Variants in ECT2 observed in about 807,000 individuals in gnomAD.
ECT2 encodes the protein epithelial cell transforming 2.
In ECT2, 61 loss-of-function variants were observed where a neutral mutation model predicts 116.9. The ratio of observed to expected loss-of-function variants is 0.52; its 90% CI spans 0.42 to 0.65. The LOEUF is 0.65. ECT2 is among the 30% of genes least tolerant of loss of function. The pLI is 0.00. For missense variants in ECT2, 937 were observed against 1,078.7 expected (o/e 0.87, Z 1.84); for synonymous variants, 358 against 346.4 (o/e 1.03, Z -0.37).
intron 7 of ECT2, among the ~76,000 whole-genome samples, chr3:172,760,753 C>G (rs1338563392): frequency 1.7e-5 from 2 of 118,000 alleles, no homozygotes; most frequent in African/African-American, 3.3e-5. Flanking sequence ...CTGAGTCTCT[C>G]TCTGTCACCC....
At chr3:172,770,860 A>G (rs1025271027) in intron 13 of ECT2, among the ~76,000 whole-genome samples, 3 of 152,252 alleles carry the variant, frequency 2.0e-5, no homozygotes, top group Non-Finnish European at 4.4e-5. Context: ...AGAAGAGGAG[A>G]TAAAACATAC....
At chr3:172,762,060 A>G (rs1325338366) in intron 8 of ECT2, among the ~76,000 whole-genome samples, 9 of 152,088 alleles carry the variant, frequency 5.9e-5, no homozygotes, top group African/African-American at 2.2e-4. Context: ...TTCCAAGCGC[A>G]TGATTTCTTG....
intron 12 of ECT2, 77 bp downstream of exon 12, chr3:172,764,577 A>C (rs980976445): frequency 2.3e-6 from 3 of 1,288,496 alleles, no homozygotes; most frequent in Non-Finnish European, 3.3e-6. Context: ...TAAATCCCTG[A>C]TATAGTGAAT....
chr3:172,809,734 GTAAAA>G (rs1728431579), intron 22 of ECT2, among the ~76,000 whole-genome samples: 2 of 152,036 alleles, frequency 1.3e-5, no homozygotes, highest in African/African-American at 2.4e-5. Context: ...AATTAAAAGA[GTAAAA>G]TAAGCACAAC....
chr3:172,803,391 T>C (rs1389985018), intron 20 of ECT2, among the ~76,000 whole-genome samples: 1 of 152,208 alleles, frequency 6.6e-6, no homozygotes, highest in Admixed American at 6.5e-5. Context: ...TAATTTACTA[T>C]TATAAATTCT....
At position 172,761,636 on chromosome 3, in the gene ECT2, T is replaced by G. The variant is rs955446846; in HGVS notation, c.711T>G (p.Ile237Met). ...TTGCTGTGAGTCTAGGTACTCCAAT[T>G]ATGAAGCCAGAATGGATTTATAAAG... is the stretch of plus-strand genomic sequence containing the variant. ...FRVAVSLGTP[I>M]MKPEWIYKAW... Residue 237 changes from isoleucine (I) to methionine (M), a missense_variant, in exon 8 of 25, where the codon ATT becomes ATG. Physicochemically the swap from Ile to Met is conservative, Grantham distance 10. Transcript: ENST00000392692. The G allele has an allele frequency of 6.2e-7, 1 of 1,611,480 alleles. No individual in the cohort carries two copies. Among genetic ancestry groups the G allele is most frequent in the African/African-American group, 1.3e-5 (1 of 74,848 alleles).
intron 1 of ECT2, among the ~76,000 whole-genome samples, chr3:172,751,403 C>T (rs73880257): frequency 0.061 from 9,324 of 152,246 alleles, 965 homozygotes; most frequent in African/African-American, 0.21. Context: ...CTCTTTTACC[C>T]CTTACTAACA....
At chr3:172,766,257 A>C (rs1189035771) in intron 12 of ECT2, among the ~76,000 whole-genome samples, 1 of 152,228 alleles carries the variant, frequency 6.6e-6, no homozygotes, top group Non-Finnish European at 1.5e-5. Flanking sequence ...TTTTTAGAGA[A>C]TAATGGATAG....
At chr3:172,822,903 A>AT (rs1490618833), downstream of ECT2, among the ~76,000 whole-genome samples, 3 of 152,066 alleles carry the variant, frequency 2.0e-5, no homozygotes, top group African/African-American at 7.2e-5. Context: ...ACAACCTATA[A>AT]TAGGATATCT....
rs1730552984 is a variant in ECT2, at chr3:172,820,490, A to G, written c.*253A>G. The G allele has an allele frequency of 3.6e-6, 1 of 274,958 alleles. No individual in the cohort carries two copies. Among genetic ancestry groups the G allele is most frequent in the Non-Finnish European group, 6.8e-6 (1 of 147,170 alleles). 17.0% of individuals were successfully genotyped at this position (274,958 alleles called of 1,614,324 possible). On this transcript the variant is annotated 3_prime_UTR_variant, in exon 25 of 25. Coordinates refer to ENST00000392692, the MANE Select transcript of ECT2 (RefSeq NM_001258315.2). ...TGTTTGAATCTGTCATTCAAAGGCC[A>G]ATAATTTAAGTTGCTATCAGCTGAT...
chr3:172,772,481 C>T (rs1186348999), intron 13 of ECT2, among the ~76,000 whole-genome samples: 1 of 152,222 alleles, frequency 6.6e-6, no homozygotes, highest in Non-Finnish European at 1.5e-5. Flanking sequence ...CATGCATGAG[C>T]CACTGTGCCC....
intron 18 of ECT2, among the ~76,000 whole-genome samples, chr3:172,801,438 G>A (rs1217282409): frequency 6.6e-6 from 1 of 152,108 alleles, no homozygotes; most frequent in Non-Finnish European, 1.5e-5. Context: ...TGATATCACT[G>A]TTCCATGCCA....
intron 15 of ECT2, among the ~76,000 whole-genome samples, chr3:172,783,471 A>AG (rs1723072614): frequency 6.6e-6 from 1 of 152,110 alleles, no homozygotes; most frequent in East Asian, 1.9e-4. Flanking sequence ...TGGAATCTAC[A>AG]TAGATCAGCT....
Position 172,760,181 on chromosome 3 carries a change from A to C in ECT2, c.602A>C (p.His201Pro), listed in dbSNP as rs1430241540. The stretch of plus-strand genomic sequence containing the variant: ...GTCAGGTTGGTGACATTGGTCCATC[A>C]CATGGGTGGAGTTATTCGAAAAGAC... ...ELVRLVTLVH[H>P]MGGVIRKDFN... The change falls in exon 7 of 25, where the codon CAC becomes CCC. Residue 201 changes from histidine to proline, a missense_variant. His to Pro is a moderately conservative substitution (Grantham distance 77). Coordinates refer to ENST00000392692, the MANE Select transcript of ECT2 (RefSeq NM_001258315.2). 1 of 1,610,814 alleles carries C rather than the reference A, an allele frequency of 6.2e-7. No individual in the cohort carries two copies. Among genetic ancestry groups the C allele is most frequent in the African/African-American group, 1.3e-5 (1 of 74,860 alleles).
chr3:172,797,018 C>CTG (rs57188529), intron 18 of ECT2, among the ~76,000 whole-genome samples: 23,532 of 138,968 alleles, frequency 0.17, 2,059 homozygotes, highest in Non-Finnish European at 0.21. Flanking sequence ...TCAGGTTCAA[C>CTG]TGTGTGTGTG....
intron 18 of ECT2, among the ~76,000 whole-genome samples, chr3:172,797,018 C>CAGATTCATATATCAGGTTCAACTGTGTG (rs113793777): frequency 5.9e-4 from 82 of 139,124 alleles, no homozygotes; most frequent in African/African-American, 2.1e-3. Context: ...TCAGGTTCAA[C>CAGATTCATATATCAGGTTCAACTGTGTG]TGTGTGTGTG....
At chr3:172,828,897 A>G in the ECT2 span, 1 of 1,426,464 alleles carries the variant, frequency 7.0e-7, no homozygotes, top group Non-Finnish European at 9.7e-7. Flanking sequence ...CCAATGATCA[A>G]GCTGCCAAAC....
At chr3:172,758,601 T>C (rs751513450) in intron 5 of ECT2, among the ~76,000 whole-genome samples, 1 of 152,214 alleles carries the variant, frequency 6.6e-6, no homozygotes, top group Non-Finnish European at 1.5e-5. Context: ...TCAGTGTTTA[T>C]TATAAAATGC....
chr3:172,760,382 T>C (rs1256504974), intron 7 of ECT2, 119 bp downstream of exon 7: 1 of 533,168 alleles, frequency 1.9e-6, no homozygotes, highest in South Asian at 3.7e-5. Context: ...CAATTTTTGC[T>C]ATGAATATAT....
Sources: allele counts gnomAD v4.1 joint callset (sites outside exome capture counted in the v4.1 genomes callset), GRCh38; gene constraint gnomAD v4.1.1; transcripts MANE v1.5; gene names NCBI Gene and HGNC (gene_info 2026-07-23, HGNC 2026-07-21).